SOX5: variants seen among roughly 807,000 people sequenced by gnomAD.
SOX5 encodes the protein transcription factor SOX-5.
Under a neutral mutation model 92.0 loss-of-function variants are expected in SOX5, and 9 were observed. The observed-to-expected ratio is 0.10, with a 90% CI of 0.06 to 0.17. SOX5 has a LOEUF of 0.17. SOX5 is among the 10% of genes least tolerant of loss of function. The pLI, the probability that SOX5 is intolerant of heterozygous loss-of-function variation, is 1.00. For synonymous variants in SOX5, 344 were observed against 336.3 expected (o/e 1.02, Z -0.25); for missense variants, 642 against 944.5 (o/e 0.68, Z 4.20).
intron 8 of SOX5, 106 bp from the exon 9 acceptor site, chr12:23,604,639 A>G: frequency 8.9e-7 from 1 of 1,124,766 alleles, no homozygotes; most frequent in Non-Finnish European, 1.3e-6. Context: ...TCCTATGAGC[A>G]TTTTGTTTAG....
intron 6 of SOX5, among the ~76,000 whole-genome samples, chr12:23,722,196 T>C (rs1365001387): frequency 6.6e-6 from 1 of 152,232 alleles, no homozygotes; most frequent in Non-Finnish European, 1.5e-5. Flanking sequence ...TCAGTAAAGC[T>C]GAATATACTT....
At chr12:24,348,097 C>A (rs543369226) in intron 2 of SOX5, among the ~76,000 whole-genome samples, 2 of 147,526 alleles carry the variant, frequency 1.4e-5, no homozygotes, top group East Asian at 4.0e-4. Flanking sequence ...TAACACACCA[C>A]TTCTGAATAT....
chr12:23,924,370 A>G (rs1205753591), intron 1 of SOX5, among the ~76,000 whole-genome samples: 1 of 152,150 alleles, frequency 6.6e-6, no homozygotes, highest in African/African-American at 2.4e-5. Flanking sequence ...TTTATCATCA[A>G]GAAATTACAC....
intron 3 of SOX5, among the ~76,000 whole-genome samples, chr12:23,758,491 C>T (rs1441025006): frequency 6.6e-6 from 1 of 151,700 alleles, no homozygotes; most frequent in Non-Finnish European, 1.5e-5. Flanking sequence ...GTACCAGGTC[C>T]TTCACATGTG....
chr12:24,251,653 C>G (rs573763422), intron 3 of SOX5, among the ~76,000 whole-genome samples: 1 of 151,412 alleles, frequency 6.6e-6, no homozygotes, highest in Admixed American at 6.6e-5. Context: ...CTCACTGCAA[C>G]CTCTGCCTCC....
chr12:23,884,034 C>T (rs1355497194), intron 2 of SOX5, among the ~76,000 whole-genome samples: 2 of 152,064 alleles, frequency 1.3e-5, no homozygotes, highest in East Asian at 3.9e-4. Context: ...TTGAAGCCAG[C>T]TGACGTTTCA....
chr12:24,180,990 C>G (rs1036829309), intron 4 of SOX5, among the ~76,000 whole-genome samples: 4 of 152,168 alleles, frequency 2.6e-5, no homozygotes, highest in African/African-American at 9.7e-5. Context: ...TAGAATGATT[C>G]TGGTGTTTAA....
At chr12:24,068,488 A>C (rs1361347351) in intron 4 of SOX5, among the ~76,000 whole-genome samples, 2 of 151,858 alleles carry the variant, frequency 1.3e-5, no homozygotes, top group African/African-American at 4.8e-5. Flanking sequence ...ATGATAAATA[A>C]AAGAGATTAT....
At chr12:24,310,498 C>T (rs1039313877) in intron 2 of SOX5, among the ~76,000 whole-genome samples, 50 of 152,154 alleles carry the variant, frequency 3.3e-4, no homozygotes, top group African/African-American at 1.2e-3. Context: ...CAAACTCAGC[C>T]TATCCCTGTC....
intron 7 of SOX5, among the ~76,000 whole-genome samples, chr12:23,648,210 G>A (rs2081120493): frequency 6.6e-6 from 1 of 152,180 alleles, no homozygotes; most frequent in Admixed American, 6.5e-5. Flanking sequence ...GAGACATGAA[G>A]TGAGCACATG....
chr12:23,949,403 G>A (rs905078569), intron 1 of SOX5, among the ~76,000 whole-genome samples, 161 bp downstream of exon 1: 1 of 151,990 alleles, frequency 6.6e-6, no homozygotes. Context: ...AGTTTGGTCC[G>A]GGCAATCACA....
At chr12:24,351,353 G>A (rs1279367458) in intron 2 of SOX5, among the ~76,000 whole-genome samples, 1 of 152,164 alleles carries the variant, frequency 6.6e-6, no homozygotes, top group Non-Finnish European at 1.5e-5. Flanking sequence ...ACCCAGAACA[G>A]ACACGTAAAT....
intron 9 of SOX5, among the ~76,000 whole-genome samples, chr12:23,599,744 C>T (rs966846163): frequency 6.6e-6 from 1 of 152,166 alleles, no homozygotes; most frequent in Admixed American, 6.5e-5. Flanking sequence ...AACTATAAGC[C>T]TATTCATAAC....
At chr12:23,709,668 G>A (rs1212434356) in intron 6 of SOX5, among the ~76,000 whole-genome samples, 1 of 152,080 alleles carries the variant, frequency 6.6e-6, no homozygotes, top group African/African-American at 2.4e-5. Context: ...AATTTAAACA[G>A]TATTTTTAAT....
chr12:24,102,660 A>C (rs1270869530), intron 4 of SOX5, among the ~76,000 whole-genome samples: 1 of 152,212 alleles, frequency 6.6e-6, no homozygotes, highest in Non-Finnish European at 1.5e-5. Context: ...CATGTCATTG[A>C]AACATCTTCT....
chr12:23,924,350 A>G (rs569407439), intron 1 of SOX5, among the ~76,000 whole-genome samples: 3 of 152,252 alleles, frequency 2.0e-5, no homozygotes, highest in East Asian at 1.9e-4. Context: ...TTACAGACCT[A>G]GGACCAGACT....
At chr12:24,194,422 TA>T (rs1159134942) in intron 4 of SOX5, among the ~76,000 whole-genome samples, 5 of 103,602 alleles carry the variant, frequency 4.8e-5, no homozygotes, top group African/African-American at 2.1e-4. Flanking sequence ...GGTAGGTAGG[TA>T]GGTAGGTATG....
chr12:24,205,822 A>G (rs1167583427), intron 4 of SOX5, among the ~76,000 whole-genome samples: 4 of 152,202 alleles, frequency 2.6e-5, no homozygotes, highest in Non-Finnish European at 5.9e-5. Flanking sequence ...TACCCTTGTG[A>G]CTGTGGTTTA....
chr12:23,969,595 T>G (rs899894086), intron 4 of SOX5, among the ~76,000 whole-genome samples: 2 of 152,268 alleles, frequency 1.3e-5, no homozygotes, highest in Non-Finnish European at 2.9e-5. Context: ...TTTATCCAAA[T>G]TTTTATTTGG....
Sources: gnomAD v4.1 joint callset for allele counts (sites outside exome capture counted in the v4.1 genomes callset) on GRCh38, gnomAD v4.1.1 for gene constraint, MANE v1.5 for transcripts, NCBI Gene and HGNC (gene_info 2026-07-23, HGNC 2026-07-21) for gene names.